AAK1: variants seen among roughly 807,000 people sequenced by gnomAD.
AAK1 encodes the protein AP2-associated protein kinase 1.
Under a neutral mutation model 116.0 loss-of-function variants are expected in AAK1, and 37 were observed. The observed-to-expected ratio is 0.32, with a 90% confidence interval of 0.25 to 0.42. The LOEUF is 0.42. Ranked by LOEUF, AAK1 falls within the 10% of genes least tolerant of loss-of-function variation. The probability of loss-of-function intolerance (pLI) is 1.00; values close to 1 mark genes in which losing one functional copy is unlikely to be tolerated. For synonymous variants in AAK1, 458 were observed against 439.9 expected, an observed-to-expected ratio of 1.04 and a Z score of -0.51; for missense variants, 919 against 1,170.6, an observed-to-expected ratio of 0.79 and a Z score of 3.14.
intron 2 of AAK1, among the ~76,000 whole-genome samples, chr2:69,591,509 CT>C (rs1673023639): frequency 7.0e-6 from 1 of 142,914 alleles, no homozygotes; most frequent in Admixed American, 7.5e-5. Flanking sequence ...ATTTTTTTTT[CT>C]TTTTTTCTTT....
At chr2:69,584,217 C>A (rs973750325) in intron 2 of AAK1, among the ~76,000 whole-genome samples, 2 of 152,172 alleles carry the variant, frequency 1.3e-5, no homozygotes. Flanking sequence ...TTAAAAAACA[C>A]AATCAGGGAA....
intron 2 of AAK1, among the ~76,000 whole-genome samples, chr2:69,633,928 G>T (rs1675330075): frequency 6.6e-6 from 1 of 152,182 alleles, no homozygotes. Flanking sequence ...CCACCACTTT[G>T]GGAGGCTGAG....
rs1674443094 is a variant in AAK1 at position 69,465,002 on chromosome 2, T to C, written c.*10867A>G. On this transcript the variant is annotated 3_prime_UTR_variant, in exon 22 of 22. Coordinates refer to ENST00000409085, the MANE Select transcript of AAK1 (RefSeq NM_014911.5). ...CTTGATTTAGTGGAGGGACTAATCTTGATTCTTCGATGGGCATGACTTAGA... is the reference window on the plus strand; with the variant it reads ...CTTGATTTAGTGGAGGGACTAATCTCGATTCTTCGATGGGCATGACTTAGA... The C allele has an allele frequency of 6.2e-6, 1 of 160,456 alleles. No individual in the cohort carries two copies. The highest frequency in any genetic ancestry group is 1.4e-5 in the Non-Finnish European group (1 of 73,338). The allele number at this position is 160,456 out of a possible 1,614,324, so 9.9% of individuals were successfully genotyped here. A position where few individuals can be genotyped will look rare whatever the true frequency, so the allele number is the denominator to read the frequency against.
rs1674508676 is a variant in AAK1 at position 69,467,001 on chromosome 2, A to G, written c.*8868T>C. 1.0e-6 allele frequency: 1 copy of G among 985,340 alleles called. No homozygotes were observed. Among genetic ancestry groups the G allele is most frequent in the African/African-American group, 1.7e-5 (1 of 57,250 alleles). The allele number at this position is 985,340 out of a possible 1,614,324, so 61.0% of individuals were successfully genotyped here. On this transcript the variant is annotated 3_prime_UTR_variant, in exon 22 of 22. Coordinates refer to ENST00000409085, the MANE Select transcript of AAK1 (RefSeq NM_014911.5). ...TCTGGCATGTGGTCATCCGCGCCAC[A>G]TGCAGAGGGACAAACTCTCTGAAAA...
intron 2 of AAK1, among the ~76,000 whole-genome samples, chr2:69,618,051 C>T (rs1052834012): frequency 6.6e-6 from 1 of 152,058 alleles, no homozygotes; most frequent in Admixed American, 6.5e-5. Context: ...AGGCAACCAA[C>T]CTGACCAGGA....
At chr2:69,609,966 C>A (rs1480996172) in intron 2 of AAK1, among the ~76,000 whole-genome samples, 1 of 141,682 alleles carries the variant, frequency 7.1e-6, no homozygotes, top group Admixed American at 7.3e-5. Context: ...AAGAGAATGG[C>A]GTGAACCCGG....
chr2:69,475,759 G>A lies in AAK1; in HGVS notation c.*110C>T, dbSNP rs1030813552. On this transcript the variant is annotated 3_prime_UTR_variant, in exon 22 of 22. Transcript: ENST00000409085. ...AGGGGTAGGAGAAAAGGGCTGGAGG[G>A]CCCCTTATTTGCAGATTTTTTTAAA... is the stretch of plus-strand genomic sequence containing the variant. 5.4e-6 allele frequency: 8 copies of A among 1,480,270 alleles called. No homozygotes were observed. The Admixed American group carries it at 1.3e-4, about 24-fold the overall frequency. 91.7% of individuals were successfully genotyped at this position (1,480,270 alleles called of 1,614,324 possible).
At chr2:69,495,638 C>A (rs1185138344) in intron 17 of AAK1, among the ~76,000 whole-genome samples, 1 of 152,304 alleles carries the variant, frequency 6.6e-6, no homozygotes, top group Non-Finnish European at 1.5e-5. Flanking sequence ...TTATCATGTG[C>A]TTACAGCCTC....
At chr2:69,497,731 A>C (rs1042477045) in intron 16 of AAK1, among the ~76,000 whole-genome samples, 3 of 152,100 alleles carry the variant, frequency 2.0e-5, no homozygotes, top group African/African-American at 7.2e-5. Context: ...GTTTTTAAAA[A>C]ACGTTTTATT....
chr2:69,481,284 G>A (rs1210931058), intron 18 of AAK1: 1 of 185,518 alleles, frequency 5.4e-6, no homozygotes, highest in East Asian at 1.5e-4. Flanking sequence ...GCATGTGCAA[G>A]GTTAAATACT....
At chr2:69,546,955 A>G (rs1257059524) in intron 3 of AAK1, among the ~76,000 whole-genome samples, 1 of 152,228 alleles carries the variant, frequency 6.6e-6, no homozygotes, top group Non-Finnish European at 1.5e-5. Context: ...GAAGCAGTTC[A>G]TTGATTTATA....
chr2:69,541,336 T>C (rs1383820074), intron 5 of AAK1, among the ~76,000 whole-genome samples: 2 of 151,586 alleles, frequency 1.3e-5, no homozygotes, highest in African/African-American at 2.4e-5. Context: ...GTGCAAGTGA[T>C]TCTCATGCCT....
chr2:69,556,722 A>G (rs1188436253), intron 3 of AAK1, 138 bp downstream of exon 3: 6 of 648,288 alleles, frequency 9.3e-6, no homozygotes, highest in African/African-American at 5.4e-5. Flanking sequence ...CCTATATCCC[A>G]TGGCTGTTGA....
intron 2 of AAK1, among the ~76,000 whole-genome samples, chr2:69,587,348 C>T (rs575102702): frequency 1.4e-5 from 2 of 144,864 alleles, no homozygotes; most frequent in South Asian, 2.2e-4. Flanking sequence ...TGCACACACA[C>T]ATATATACAC....
chr2:69,550,720 A>G (rs1671143794), intron 3 of AAK1, among the ~76,000 whole-genome samples: 1 of 151,872 alleles, frequency 6.6e-6, no homozygotes, highest in Non-Finnish European at 1.5e-5. Context: ...GGCTCAAGTG[A>G]TTCTCTTGCC....
In AAK1 at chr2:69,479,049, C is replaced by A; in HGVS notation, c.2582G>T (p.Gly861Val). ...VTSNRTDSLT[G>V]EDSLLDCSLL... is the part of the protein sequence containing the mutation. ...AGAGCAATCAAGCAGGGAATCTTCC[C>A]CGGTGAGAGAATCTGAGTCCAGATT... is the stretch of plus-strand genomic sequence containing the variant. Residue 861 changes from glycine to valine, a missense_variant, in exon 20 of 22, where the codon GGG becomes GTG. By Grantham distance (109) the Gly-to-Val change is moderately radical. Coordinates refer to ENST00000409085, the MANE Select transcript of AAK1 (RefSeq NM_014911.5). 6.2e-7 allele frequency: 1 copy of A among 1,612,426 alleles called. No individual in the cohort carries two copies. The highest frequency in any genetic ancestry group is 8.5e-7 in the Non-Finnish European group (1 of 1,178,564).
chr2:69,542,763 A>T, intron 4 of AAK1, 98 bp from the exon 5 acceptor site: 1 of 1,380,030 alleles, frequency 7.2e-7, no homozygotes, highest in South Asian at 1.4e-5. Context: ...AGCAGTCTGG[A>T]CTAAGGTAAC....
intron 14 of AAK1, 45 bp from the exon 15 acceptor site, chr2:69,507,623 G>A (rs1196667656): frequency 2.0e-6 from 3 of 1,471,014 alleles, no homozygotes; most frequent in Non-Finnish European, 2.7e-6. Flanking sequence ...TATAAAAGTT[G>A]AACAAAACAA....
chr2:69,547,380 T>A (rs1219100090), intron 3 of AAK1, among the ~76,000 whole-genome samples: 1 of 152,138 alleles, frequency 6.6e-6, no homozygotes, highest in Non-Finnish European at 1.5e-5. Flanking sequence ...GGATTTAGTG[T>A]CCAGAATATG....
Sources: allele counts gnomAD v4.1 joint callset (sites outside exome capture counted in the v4.1 genomes callset), GRCh38; gene constraint gnomAD v4.1.1; transcripts MANE v1.5; gene names NCBI Gene and HGNC (gene_info 2026-07-23, HGNC 2026-07-21).